The following SPMAP2 variants were observed in gnomAD, a reference collection of about 807,000 sequenced individuals.
The protein encoded by SPMAP2 is sperm microtubule associated protein 2.
chr19:366,655 C>G, the SPMAP2 span, among the ~76,000 whole-genome samples: 23 of 152,302 alleles, frequency 1.5e-4, no homozygotes, highest in Admixed American at 3.9e-4. Context: ...CTCCAAAACA[C>G]CAGGCAGCAG....
the SPMAP2 span, chr19:373,671 T>TG: frequency 2.2e-4 from 109 of 493,004 alleles, 1 homozygote; most frequent in East Asian, 4.2e-3. Context: ...AGAAGGACAG[T>TG]GGGGGGGCCG....
the SPMAP2 span, among the ~76,000 whole-genome samples, chr19:365,305 G>A: frequency 1.3e-5 from 2 of 152,224 alleles, no homozygotes; most frequent in African/African-American, 4.8e-5. Context: ...GGGTAAGGGG[G>A]CCAAGCAGTG....
At chr19:373,647 AGG>A in the SPMAP2 span, 1 of 878,132 alleles carries the variant, frequency 1.1e-6, no homozygotes, top group Non-Finnish European at 1.7e-6. Context: ...TTGCTGGGAG[AGG>A]GGGTAGGCCA....
chr19:373,676 G>C, the SPMAP2 span: 40 of 727,300 alleles, frequency 5.5e-5, no homozygotes, highest in East Asian at 8.7e-4. Flanking sequence ...GACAGTGGGG[G>C]GGCCGGCGGG....
chr19:372,686 C>T, the SPMAP2 span: 46 of 1,613,926 alleles, frequency 2.9e-5, no homozygotes, highest in Admixed American at 1.7e-4. Context: ...AGTTCCTCCA[C>T]GCGGCGGGAC....
the SPMAP2 span, among the ~76,000 whole-genome samples, chr19:371,698 C>G: frequency 6.6e-6 from 1 of 152,178 alleles, no homozygotes; most frequent in Non-Finnish European, 1.5e-5. Context: ...AAGAGCCTGG[C>G]GTGAGCACTT....
the SPMAP2 span, among the ~76,000 whole-genome samples, chr19:374,984 G>C: frequency 3.1e-4 from 47 of 152,330 alleles, no homozygotes; most frequent in African/African-American, 1.1e-3. Flanking sequence ...CAGGTTGGCA[G>C]AGCCCCATGA....
the SPMAP2 span, chr19:371,388 G>GTC: frequency 3.2e-6 from 2 of 629,222 alleles, no homozygotes; most frequent in Admixed American, 3.1e-5. Flanking sequence ...GTGTGTGTGT[G>GTC]TGTGTGTGTG....
the SPMAP2 span, among the ~76,000 whole-genome samples, chr19:372,400 C>T: frequency 6.6e-6 from 1 of 152,264 alleles, no homozygotes; most frequent in Non-Finnish European, 1.5e-5. Flanking sequence ...CCTCCACCAC[C>T]ATTCCACAGC....
chr19:375,869 G>A, the SPMAP2 span: 8 of 1,581,362 alleles, frequency 5.1e-6, no homozygotes, highest in Non-Finnish European at 6.9e-6. Context: ...CGTACACAGA[G>A]CTCTGGAGGC....
the SPMAP2 span, chr19:362,175 AG>A: frequency 6.9e-7 from 1 of 1,451,944 alleles, no homozygotes; most frequent in Non-Finnish European, 9.1e-7. Flanking sequence ...AGGGTGCCTG[AG>A]GGTGTTTACT....
At chr19:363,557 A>AG in the SPMAP2 span, among the ~76,000 whole-genome samples, 1 of 151,216 alleles carries the variant, frequency 6.6e-6, no homozygotes, top group East Asian at 2.0e-4. Flanking sequence ...ATTTTGAGAC[A>AG]GAGTCTTGCT....
chr19:374,137 G>A, the SPMAP2 span: 2 of 1,449,508 alleles, frequency 1.4e-6, no homozygotes, highest in African/African-American at 1.4e-5. Flanking sequence ...CCCAGTGTCT[G>A]GCCACCTCCT....
At chr19:362,105 T>G in the SPMAP2 span, 1 of 949,968 alleles carries the variant, frequency 1.1e-6, no homozygotes, top group Middle Eastern at 2.3e-4. Context: ...TCTTTTGGCC[T>G]TCTAGCCCGC....
At chr19:362,271 G>C in the SPMAP2 span, 1 of 1,595,960 alleles carries the variant, frequency 6.3e-7, no homozygotes, top group South Asian at 1.1e-5. Context: ...ATAGAGGCGA[G>C]GGGACGCCTG....
the SPMAP2 span, chr19:367,135 C>G: frequency 5.6e-6 from 9 of 1,613,272 alleles, no homozygotes; most frequent in Non-Finnish European, 7.6e-6. Context: ...CCCACTCTTC[C>G]AAGAGGGTGG....
chr19:364,336 C>CAAAAAAAAAAAAA, the SPMAP2 span, among the ~76,000 whole-genome samples: 6 of 74,138 alleles, frequency 8.1e-5, no homozygotes, highest in Admixed American at 1.6e-4. Context: ...AGCTCTGTCT[C>CAAAAAAAAAAAAA]AAAAAAAAAA....
the SPMAP2 span, chr19:371,174 G>T: frequency 7.7e-7 from 1 of 1,305,766 alleles, no homozygotes; most frequent in Non-Finnish European, 1.0e-6. Flanking sequence ...CGCCTGGCGG[G>T]GGTGAGTCGC....
chr19:367,609 A>G, the SPMAP2 span, among the ~76,000 whole-genome samples: 5 of 152,240 alleles, frequency 3.3e-5, no homozygotes, highest in Admixed American at 6.5e-5. Context: ...GCTCTCATGC[A>G]TGACTGGAAG....
Sources: allele counts gnomAD v4.1 joint callset (sites outside exome capture counted in the v4.1 genomes callset), GRCh38; gene constraint gnomAD v4.1.1; transcripts MANE v1.5; gene names NCBI Gene and HGNC (gene_info 2026-07-23, HGNC 2026-07-21).